TIMM50: variants seen among roughly 807,000 people sequenced by gnomAD.
The protein encoded by TIMM50 is mitochondrial import inner membrane translocase subunit TIM50.
A neutral mutation model predicts 49.6 loss-of-function variants in TIMM50; 34 were observed. The ratio of observed to expected loss-of-function variants is 0.69; its 90% CI spans 0.52 to 0.91. The LOEUF is 0.91. Among genes scored for constraint, TIMM50 ranks in the 40% least tolerant of loss-of-function variants. The pLI, the probability that TIMM50 is intolerant of heterozygous loss-of-function variation, is 0.00. For missense variants in TIMM50, 458 were observed against 477.8 expected, an observed-to-expected ratio of 0.96 and a Z score of 0.39; for synonymous variants, 199 against 198.4, an observed-to-expected ratio of 1.00 and a Z score of -0.03.
chr19:39,482,907 T>C lies in TIMM50; in HGVS notation c.282T>C (p.Asn94=), dbSNP rs2079482159. The C allele has an allele frequency of 6.2e-7, 1 of 1,613,864 alleles. No homozygotes were observed. The highest frequency in any genetic ancestry group is 2.2e-5 in the East Asian group (1 of 44,856). ...CAGGAAACAACCCGGTGGACGAAAATGGTGCCAAGGTGAGGGGGAAAGAGA... is the reference window on the plus strand; with the variant it reads ...CAGGAAACAACCCGGTGGACGAAAACGGTGCCAAGGTGAGGGGGAAAGAGA... The part of the protein sequence containing the change: ...YIFGNNPVDE[N]GAKIPDEFDN... Residue 94 remains asparagine, a synonymous_variant, in exon 3 of 11, where the codon AAT becomes AAC. Transcript: ENST00000607714.
chr19:39,483,078 G>C, intron 3 of TIMM50, 57 bp from the exon 4 acceptor site: 2 of 1,612,994 alleles, frequency 1.2e-6, no homozygotes, highest in East Asian at 4.5e-5. Context: ...TTTTCTGTAT[G>C]TGATGGGGTT....
Position 39,489,873 on chromosome 19 carries a change from G to A in TIMM50, c.*53G>A. 3 of 1,525,146 alleles carry A rather than the reference G, an allele frequency of 2.0e-6. No homozygotes were observed. The highest frequency in any genetic ancestry group is 2.7e-6 in the Non-Finnish European group (3 of 1,117,408). 94.5% of individuals were successfully genotyped at this position (1,525,146 alleles called of 1,614,324 possible). A position where few individuals can be genotyped will look rare whatever the true frequency, so the allele number is the denominator to read the frequency against. On this transcript the variant is annotated 3_prime_UTR_variant, in exon 11 of 11. Transcript: ENST00000607714. ...TGGGTCCAGGGCCCCAGTGCTTCCAGACCAAGACTTGGGCCACCACTTGTC... is the reference window on the plus strand; with the variant it reads ...TGGGTCCAGGGCCCCAGTGCTTCCAAACCAAGACTTGGGCCACCACTTGTC...
chr19:39,482,058 A>C, intron 2 of TIMM50, 25 bp downstream of exon 2: 1 of 1,604,880 alleles, frequency 6.2e-7, no homozygotes, highest in Non-Finnish European at 8.5e-7. Context: ...CCTGTCCCCC[A>C]GTTTTGTTCC....
In TIMM50 at chr19:39,492,880, A is replaced by AAAAAC. The variant is rs2079555831; in HGVS notation, c.*3064_*3065insCAAAA. 1 of 143,394 alleles carries AAAAAC rather than the reference A, an allele frequency of 7.0e-6. No homozygotes were observed. Among genetic ancestry groups the AAAAAC allele is most frequent in the African/African-American group, 2.8e-5 (1 of 35,466 alleles). The allele number at this position is 143,394 out of a possible 1,614,324, so 8.9% of individuals were successfully genotyped here. On this transcript the variant is annotated 3_prime_UTR_variant, in exon 11 of 11. Coordinates refer to ENST00000607714, the MANE Select transcript of TIMM50 (RefSeq NM_001001563.5). ...AGTAAGGCTCTGTCTCCAAAAAAAAAAAAAAAAAAAAACAAAAAAAAAACC... is the reference window on the plus strand; with the variant it reads ...AGTAAGGCTCTGTCTCCAAAAAAAAAAAAACAAAAAAAAAAAACAAAAAAAAAACC...
At position 39,482,053 on chromosome 19, in the gene TIMM50, C is replaced by T. The variant is rs750540293; in HGVS notation, c.259+20C>T. 1 of 1,607,060 alleles carries T rather than the reference C, an allele frequency of 6.2e-7. No individual in the cohort carries two copies. The highest frequency in any genetic ancestry group is 1.1e-5 in the South Asian group (1 of 90,894). ...TCTTTGGTGAGGGACATATCCCTGTCCCCCAGTTTTGTTCCTTGGCCTCCC... is the reference window on the plus strand; with the variant it reads ...TCTTTGGTGAGGGACATATCCCTGTTCCCCAGTTTTGTTCCTTGGCCTCCC... On this transcript the variant is annotated intron_variant, in intron 2 of 10. Coordinates refer to ENST00000607714, the MANE Select transcript of TIMM50 (RefSeq NM_001001563.5).
intron 4 of TIMM50, 143 bp from the exon 5 acceptor site, chr19:39,485,401 A>T (rs528814970): frequency 1.1e-6 from 1 of 895,136 alleles, no homozygotes; most frequent in East Asian, 2.5e-5. Context: ...ATTGCCTTCT[A>T]TCTTTGGACC....
At chr19:39,487,351 C>T (rs948002538) in intron 8 of TIMM50, among the ~76,000 whole-genome samples, 1 of 152,182 alleles carries the variant, frequency 6.6e-6, no homozygotes, top group African/African-American at 2.4e-5. Context: ...TGGCTCACTG[C>T]AGTCTCAACC....
chr19:39,487,971 T>C, intron 8 of TIMM50, 90 bp from the exon 9 acceptor site: 2 of 320,862 alleles, frequency 6.2e-6, no homozygotes, highest in Non-Finnish European at 7.8e-6. Context: ...TGTGATGCTG[T>C]GTATGTATGT....
intron 4 of TIMM50, 21 bp from the exon 5 acceptor site, chr19:39,485,523 T>C: frequency 6.2e-7 from 1 of 1,614,072 alleles, no homozygotes; most frequent in Non-Finnish European, 8.5e-7. Flanking sequence ...TGGAATCTCT[T>C]TGTGCCTGGT....
At chr19:39,486,043 C>A in intron 6 of TIMM50, 144 bp from the exon 7 acceptor site, 2 of 1,083,870 alleles carry the variant, frequency 1.8e-6, no homozygotes, top group Non-Finnish European at 2.7e-6. Context: ...CAGTCACAGC[C>A]TATGAACTTC....
In TIMM50 at chr19:39,485,595, A is replaced by G; in HGVS notation, c.365A>G (p.Tyr122Cys). Reference sequence around the variant, plus strand: ...CGGACATACAAATATTTCAAAGATTATAGACAGGTGAGCAGAAGCCCTGGG... The same window carrying G: ...CGGACATACAAATATTTCAAAGATTGTAGACAGGTGAGCAGAAGCCCTGGG... ...LRRTYKYFKDYRQMIIEPTSP... is the reference protein window; with the variant it reads ...LRRTYKYFKDCRQMIIEPTSP... Residue 122 changes from tyrosine (Y) to cysteine (C), a missense_variant, in exon 5 of 11, where the codon TAT becomes TGT. Coordinates refer to ENST00000607714, the MANE Select transcript of TIMM50 (RefSeq NM_001001563.5). The G allele has an allele frequency of 1.2e-6, 2 of 1,614,186 alleles. No individual in the cohort carries two copies. The highest frequency in any genetic ancestry group is 1.7e-6 in the Non-Finnish European group (2 of 1,180,048).
chr19:39,487,341 TG>T (rs1346636498), intron 8 of TIMM50, among the ~76,000 whole-genome samples: 1 of 152,164 alleles, frequency 6.6e-6, no homozygotes, highest in Admixed American at 6.5e-5. Flanking sequence ...GTGATGAACA[TG>T]GCTCACTGCA....
intron 3 of TIMM50, 72 bp downstream of exon 3, chr19:39,482,988 T>G: frequency 6.2e-7 from 1 of 1,611,382 alleles, no homozygotes; most frequent in Non-Finnish European, 8.5e-7. Flanking sequence ...CTTTGGTCTG[T>G]TCAGGCACAT....
chr19:39,486,171 C>T lies in TIMM50; in HGVS notation c.493-16C>T, dbSNP rs745590869. The T allele has an allele frequency of 6.2e-7, 1 of 1,613,442 alleles. No individual in the cohort carries two copies. The highest frequency in any genetic ancestry group is 8.5e-7 in the Non-Finnish European group (1 of 1,179,394). On this transcript the variant is annotated splice_polypyrimidine_tract_variant and intron_variant, in intron 6 of 10. Transcript: ENST00000607714. ...CTCTGGGTCTTGGTGTTTCACTGTC[C>T]TCACTGTCTTCCCAGCTGGCCACTG...
intron 8 of TIMM50, among the ~76,000 whole-genome samples, chr19:39,487,243 G>C (rs2079513135): frequency 6.6e-6 from 1 of 152,116 alleles, no homozygotes; most frequent in African/African-American, 2.4e-5. Context: ...AAGTCTATGT[G>C]ATTAGCTCCC....
In TIMM50 at chr19:39,480,858, C is replaced by T; in HGVS notation, c.5C>T (p.Ala2Val). The T allele has an allele frequency of 1.3e-6, 2 of 1,596,198 alleles. No individual in the cohort carries two copies. The highest frequency in any genetic ancestry group is 1.1e-5 in the South Asian group (1 of 89,578). Residue 2 changes from alanine (A) to valine (V), a missense_variant, in exon 1 of 11, where the codon GCG (alanine) becomes GTG (valine). Ala to Val is a moderately conservative substitution (Grantham distance 64). Coordinates refer to ENST00000607714, the MANE Select transcript of TIMM50 (RefSeq NM_001001563.5). Reference protein sequence around the residue: MAASAAVFSRLR... With the variant: MVASAAVFSRLR... The stretch of plus-strand genomic sequence containing the variant: ...GCCGCGTGGCGTCAGCGCAAGATGG[C>T]GGCCTCGGCAGCGGTGTTCTCGCGC...
chr19:39,485,696 C>A lies in TIMM50; in HGVS notation c.381C>A (p.Ile127=), dbSNP rs746145674. Residue 127 remains isoleucine, a synonymous_variant, in exon 6 of 11, where the codon ATC becomes ATA. Coordinates refer to ENST00000607714, the MANE Select transcript of TIMM50 (RefSeq NM_001001563.5). ...CTGTCCCTCTCCCACAGATGATCATCGAGCCCACCAGCCCTTGCCTTCTCC... is the reference window on the plus strand; with the variant it reads ...CTGTCCCTCTCCCACAGATGATCATAGAGCCCACCAGCCCTTGCCTTCTCC... ...KYFKDYRQMI[I]EPTSPCLLPD... is the part of the protein sequence containing the mutation. 1 of 1,614,126 alleles carries A rather than the reference C, an allele frequency of 6.2e-7. No homozygotes were observed. Among genetic ancestry groups the A allele is most frequent in the South Asian group, 1.1e-5 (1 of 91,088 alleles).
intron 9 of TIMM50, 44 bp downstream of exon 9, chr19:39,488,261 C>T (rs2079521050): frequency 6.4e-7 from 1 of 1,574,174 alleles, no homozygotes; most frequent in Non-Finnish European, 8.7e-7. Context: ...CCCAGAGCCC[C>T]TGACTCTGAA....
In TIMM50 at chr19:39,490,752, T is replaced by G. The variant is rs1232942461; in HGVS notation, c.*932T>G. ...AATGTTGGCTCCTAGCGGGGCGCAGTGGCTCACGCCTGTAATCCCAGCACT... is the reference window on the plus strand; with the variant it reads ...AATGTTGGCTCCTAGCGGGGCGCAGGGGCTCACGCCTGTAATCCCAGCACT... On this transcript the variant is annotated 3_prime_UTR_variant, in exon 11 of 11. Transcript: ENST00000607714. 2.0e-5 allele frequency: 3 copies of G among 152,072 alleles called. No individual in the cohort carries two copies. The highest frequency in any genetic ancestry group is 4.4e-5 in the Non-Finnish European group (3 of 68,046). 9.4% of individuals were successfully genotyped at this position (152,072 alleles called of 1,614,324 possible).
Sources: allele counts gnomAD v4.1 joint callset (sites outside exome capture counted in the v4.1 genomes callset), GRCh38; gene constraint gnomAD v4.1.1; transcripts MANE v1.5; gene names NCBI Gene and HGNC (gene_info 2026-07-23, HGNC 2026-07-21).